Variants in KIF3B observed in about 807,000 individuals in gnomAD.
KIF3B encodes kinesin-like protein KIF3B.
In KIF3B, 38 loss-of-function variants were observed where a neutral mutation model predicts 74.3. That is an observed-to-expected ratio of 0.51 (90% CI 0.39 to 0.67). The LOEUF is 0.67. Ranked by LOEUF, KIF3B falls within the 30% of genes least tolerant of loss-of-function variation. The pLI is 0.00. For missense variants in KIF3B, 649 were observed against 932.0 expected (o/e 0.70, Z 3.95); for synonymous variants, 326 against 342.5 (o/e 0.95, Z 0.53).
At chr20:32,329,055 A>G (rs2047917714) in intron 7 of KIF3B, among the ~76,000 whole-genome samples, 1 of 152,288 alleles carries the variant, frequency 6.6e-6, no homozygotes, top group African/African-American at 2.4e-5. Flanking sequence ...CTACAGGCAC[A>G]TGCCACGACA....
chr20:32,302,944 T>G lies in KIF3B; in HGVS notation c.-65-6769T>G, dbSNP rs552340445. The stretch of plus-strand genomic sequence containing the variant: ...ACCCGCGGCCCAGGATGGCTTTGAA[T>G]GTGGCCCAACACAAATTTGTAAACT... On this transcript the variant is annotated intron_variant, in intron 1 of 8. Transcript: ENST00000375712. Among the ~76,000 whole-genome samples the G allele has an allele frequency of 2.0e-5, 3 of 152,356 alleles. No homozygotes were observed. The South Asian group carries it at 6.2e-4, about 32-fold the overall frequency.
At chr20:32,284,999 G>A (rs773748074) in intron 1 of KIF3B, among the ~76,000 whole-genome samples, 4 of 151,310 alleles carry the variant, frequency 2.6e-5, no homozygotes, top group South Asian at 4.2e-4. Flanking sequence ...CCATTCATTC[G>A]CGTGTTCATC....
chr20:32,322,700 TTATATATTTA>T (rs2047869628), intron 5 of KIF3B, among the ~76,000 whole-genome samples: 1 of 36,428 alleles, frequency 2.7e-5, no homozygotes, highest in African/African-American at 1.4e-4. Flanking sequence ...TTATATATAT[TTATATATTTA>T]TATATATTTA....
chr20:32,299,412 T>A (rs1278290754), intron 1 of KIF3B, among the ~76,000 whole-genome samples: 2 of 102,854 alleles, frequency 1.9e-5, no homozygotes, highest in Non-Finnish European at 3.8e-5. Flanking sequence ...TATTTTTTTT[T>A]TTTTTTTTTT....
chr20:32,288,630 C>T (rs1046429360), intron 1 of KIF3B, among the ~76,000 whole-genome samples: 1 of 151,942 alleles, frequency 6.6e-6, no homozygotes, highest in Non-Finnish European at 1.5e-5. Flanking sequence ...TGAGTAGGAC[C>T]CAGAACATAG....
intron 1 of KIF3B, among the ~76,000 whole-genome samples, chr20:32,303,218 C>T (rs1015358625): frequency 2.0e-5 from 3 of 152,102 alleles, no homozygotes; most frequent in African/African-American, 4.8e-5. Context: ...GTATTTAGAT[C>T]TCAATTTAAT....
chr20:32,315,271 A>G (rs755902246), intron 2 of KIF3B, among the ~76,000 whole-genome samples: 1 of 152,224 alleles, frequency 6.6e-6, no homozygotes, highest in Admixed American at 6.5e-5. Context: ...TCTCCTTGAC[A>G]GGGATTTAGG....
chr20:32,282,406 A>G (rs2047647292), intron 1 of KIF3B, among the ~76,000 whole-genome samples: 1 of 152,184 alleles, frequency 6.6e-6, no homozygotes, highest in Non-Finnish European at 1.5e-5. Flanking sequence ...AGAATTATTC[A>G]TAGTTTATTT....
chr20:32,304,074 A>T (rs2047757397), intron 1 of KIF3B, among the ~76,000 whole-genome samples: 1 of 152,178 alleles, frequency 6.6e-6, no homozygotes, highest in Admixed American at 6.5e-5. Flanking sequence ...AAGAAGAATT[A>T]TACCTATTTT....
intron 5 of KIF3B, among the ~76,000 whole-genome samples, chr20:32,321,909 G>T (rs2047861644): frequency 6.6e-6 from 1 of 152,098 alleles, no homozygotes; most frequent in Non-Finnish European, 1.5e-5. Flanking sequence ...ACTTTTATAT[G>T]CACTGGGAAA....
At chr20:32,327,274 A>G (rs2047908231) in intron 6 of KIF3B, among the ~76,000 whole-genome samples, 1 of 152,130 alleles carries the variant, frequency 6.6e-6, no homozygotes, top group South Asian at 2.1e-4. Flanking sequence ...TGCTGGAAAG[A>G]TGGGAGACAC....
chr20:32,331,482 G>T lies in KIF3B; in HGVS notation c.*163G>T. ...CCAACTTAATCTGGTTGAACGTGCT[G>T]TTCCTAATCTGGCACTCAGCCCCTC... On this transcript the variant is annotated 3_prime_UTR_variant, in exon 9 of 9. Transcript: ENST00000375712. 1 of 580,674 alleles carries T rather than the reference G, an allele frequency of 1.7e-6. No individual in the cohort carries two copies. The highest frequency in any genetic ancestry group is 3.0e-6 in the Non-Finnish European group (1 of 335,282). The allele number at this position is 580,674 out of a possible 1,614,324, so 36.0% of individuals were successfully genotyped here. A position where few individuals can be genotyped will look rare whatever the true frequency, so the allele number is the denominator to read the frequency against.
chr20:32,322,383 C>G (rs898635554), intron 5 of KIF3B, among the ~76,000 whole-genome samples: 1 of 150,694 alleles, frequency 6.6e-6, no homozygotes, highest in Admixed American at 6.7e-5. Flanking sequence ...CCCAGGTGGA[C>G]GGATCACCTG....
chr20:32,299,504 TG>T (rs1417753726), intron 1 of KIF3B, among the ~76,000 whole-genome samples: 2 of 145,084 alleles, frequency 1.4e-5, no homozygotes, highest in African/African-American at 2.6e-5. Context: ...CTCCGACTCT[TG>T]GGTTCAAGTG....
rs201468659 is a variant in KIF3B at position 32,310,867 on chromosome 20, C to T, written c.1090C>T (p.Arg364Trp). The change falls in exon 2 of 9, where the codon CGG becomes TGG. Residue 364 changes from arginine to tryptophan, a missense_variant. Arg to Trp is a moderately radical substitution (Grantham distance 101, BLOSUM62 -3). Coordinates refer to ENST00000375712, the MANE Select transcript of KIF3B (RefSeq NM_004798.4). The surrounding 1 kb of genome is among the most constrained non-coding windows in gnomAD (Gnocchi z 6.5). ...LLREFQEEIA[R>W]LKAQLEKRSI... ...TCGAGAATTCCAGGAAGAGATTGCT[C>T]GGCTCAAGGCCCAGCTGGAAAAACG... 8.7e-6 allele frequency: 14 copies of T among 1,612,758 alleles called. No homozygotes were observed. Among genetic ancestry groups the T allele is most frequent in the Admixed American group, 3.3e-5 (2 of 59,862 alleles).
chr20:32,313,447 TTTTG>T (rs759695962), intron 2 of KIF3B, among the ~76,000 whole-genome samples: 4 of 152,196 alleles, frequency 2.6e-5, no homozygotes, highest in Non-Finnish European at 5.9e-5. Flanking sequence ...TGTACTGTTT[TTTTG>T]TTTGTTTGTT....
intron 5 of KIF3B, among the ~76,000 whole-genome samples, chr20:32,325,749 C>T (rs1353776618): frequency 1.4e-5 from 2 of 138,546 alleles, no homozygotes; most frequent in African/African-American, 2.6e-5. Context: ...CTCACTGCAA[C>T]CTCTGCCCTC....
Position 32,310,670 on chromosome 20 carries a change from C to T in KIF3B, c.893C>T (p.Thr298Ile). 6.2e-7 allele frequency: 1 copy of T among 1,614,170 alleles called. No individual in the cohort carries two copies. Among genetic ancestry groups the T allele is most frequent in the Non-Finnish European group, 8.5e-7 (1 of 1,180,032 alleles). ...ATTCCATATCGGGACTCAAAGCTTA[C>T]CAGGCTCCTCCAAGATTCCCTTGGT... ...THIPYRDSKL[T>I]RLLQDSLGGN... The change falls in exon 2 of 9, where the codon ACC (threonine) becomes ATC (isoleucine). Residue 298 changes from threonine (T) to isoleucine (I), a missense_variant. Thr to Ile is a moderately conservative substitution (Grantham distance 89). Transcript: ENST00000375712. The surrounding 1 kb of genome is among the most constrained non-coding windows in gnomAD (Gnocchi z 6.5).
intron 5 of KIF3B, among the ~76,000 whole-genome samples, chr20:32,320,980 G>A (rs1450900930): frequency 6.6e-6 from 1 of 151,900 alleles, no homozygotes; most frequent in Admixed American, 6.6e-5. Context: ...TATAGTGTTA[G>A]GTCTTACATT....
Sources: gnomAD v4.1 joint callset for allele counts (sites outside exome capture counted in the v4.1 genomes callset) on GRCh38, gnomAD v4.1.1 for gene constraint, Gnocchi (gnomAD v3.1) non-coding constraint, MANE v1.5 for transcripts, NCBI Gene and HGNC (gene_info 2026-07-23, HGNC 2026-07-21) for gene names.